Variants in OSBPL1A observed in about 807,000 individuals in gnomAD.
OSBPL1A encodes the protein oxysterol binding protein like 1A.
OSBPL1A carries 80 observed loss-of-function variants against 137.1 expected under a neutral mutation model. That is an observed-to-expected ratio of 0.58 (90% CI 0.49 to 0.70). The LOEUF is 0.70. OSBPL1A is among the 30% of genes least tolerant of loss of function. The pLI, the probability that OSBPL1A is intolerant of heterozygous loss-of-function variation, is 0.00. For synonymous variants in OSBPL1A, 365 were observed against 389.7 expected (o/e 0.94, Z 0.75); for missense variants, 970 against 1,129.4 (o/e 0.86, Z 2.02).
chr18:24,368,779 G>A (rs983852438), intron 2 of OSBPL1A, among the ~76,000 whole-genome samples: 1 of 152,190 alleles, frequency 6.6e-6, no homozygotes, highest in African/African-American at 2.4e-5. Context: ...AGGAGCTGAA[G>A]GCAGCTCACA....
intron 7 of OSBPL1A, among the ~76,000 whole-genome samples, chr18:24,320,319 A>G (rs917591445): frequency 6.6e-6 from 1 of 152,178 alleles, no homozygotes; most frequent in South Asian, 2.1e-4. Context: ...ATTCTTAAAG[A>G]TACAGCAGAC....
At chr18:24,388,861 C>G (rs1464862299) in intron 1 of OSBPL1A, among the ~76,000 whole-genome samples, 1 of 151,570 alleles carries the variant, frequency 6.6e-6, no homozygotes, top group Non-Finnish European at 1.5e-5. Context: ...TTAAAACACC[C>G]CCCCACAGAT....
At chr18:24,333,124 A>C (rs1213540608) in intron 6 of OSBPL1A, 38 bp from the exon 7 acceptor site, 1 of 1,596,254 alleles carries the variant, frequency 6.3e-7, no homozygotes, top group African/African-American at 1.3e-5. Context: ...ATTATATATC[A>C]AAGATAGACT....
At chr18:24,182,992 C>T (rs989718185) in intron 18 of OSBPL1A, among the ~76,000 whole-genome samples, 14 of 152,042 alleles carry the variant, frequency 9.2e-5, no homozygotes, top group African/African-American at 1.2e-4. Context: ...CCTCAGCCTC[C>T]GGAGTAGCTG....
At chr18:24,327,718 T>A (rs2588569) in intron 7 of OSBPL1A, among the ~76,000 whole-genome samples, 65,332 of 151,976 alleles carry the variant, frequency 0.43, 14,791 homozygotes, top group Middle Eastern at 0.54. Context: ...CTGATTTTTT[T>A]AAATTATTCT....
chr18:24,214,801 G>A lies in OSBPL1A; in HGVS notation c.1601+10241C>T, dbSNP rs142470432. On this transcript the variant is annotated intron_variant, in intron 17 of 27. Coordinates refer to ENST00000319481, the MANE Select transcript of OSBPL1A (RefSeq NM_080597.4). ...TTCACAACAAGAGAAGACAAAAAAC[G>A]AAGCAGAGATGGACTGAATAACAGA... Among the ~76,000 whole-genome samples the A allele has an allele frequency of 1.6e-4, 25 of 152,302 alleles. No individual in the cohort carries two copies. The East Asian group carries it at 4.6e-3, about 28-fold the overall frequency.
intron 13 of OSBPL1A, among the ~76,000 whole-genome samples, chr18:24,306,905 G>T (rs2090512295): frequency 6.6e-6 from 1 of 151,832 alleles, no homozygotes; most frequent in African/African-American, 2.4e-5. Context: ...ACAAGCAGTG[G>T]TGCCGTAGCA....
intron 13 of OSBPL1A, among the ~76,000 whole-genome samples, chr18:24,308,772 ATTTT>A (rs35612886): frequency 6.7e-6 from 1 of 148,384 alleles, no homozygotes; most frequent in Non-Finnish European, 1.5e-5. Context: ...GAACAACTGA[ATTTT>A]TTTTTTTGAG....
Position 24,353,128 on chromosome 18 carries a change from GC to G in OSBPL1A, c.283-11471del, listed in dbSNP as rs2091472285. Among the ~76,000 whole-genome samples, 8 of 152,178 alleles carry G rather than the reference GC, an allele frequency of 5.3e-5. No homozygotes were observed. In the South Asian group the frequency reaches 1.7e-3, roughly 32 times the overall value. Reference sequence around the variant, plus strand: ...AAAAAACTACCATCAGAGTGAACAGGCAACCTACAAAATGGGAGAAGATTTT... The same window carrying G: ...AAAAAACTACCATCAGAGTGAACAGGAACCTACAAAATGGGAGAAGATTTT... On this transcript the variant is annotated intron_variant, in intron 4 of 27. Coordinates refer to ENST00000319481, the MANE Select transcript of OSBPL1A (RefSeq NM_080597.4).
At chr18:24,275,460 G>A (rs1446591518) in intron 15 of OSBPL1A, among the ~76,000 whole-genome samples, 1 of 152,150 alleles carries the variant, frequency 6.6e-6, no homozygotes, top group East Asian at 1.9e-4. Context: ...GCCAGAGACG[G>A]GTGCAGGCCC....
At chr18:24,383,528 C>A (rs891813478) in intron 1 of OSBPL1A, among the ~76,000 whole-genome samples, 1 of 152,194 alleles carries the variant, frequency 6.6e-6, no homozygotes, top group Admixed American at 6.5e-5. Flanking sequence ...GAGGTCAACA[C>A]AGGCGGATCA....
chr18:24,318,649 T>C lies in OSBPL1A; in HGVS notation c.688-4A>G. On this transcript the variant is annotated splice_polypyrimidine_tract_variant and splice_region_variant and intron_variant, in intron 8 of 27. Transcript: ENST00000319481. ...GTTTCAATGCTTTGTAGATGACCTG[T>C]CAAAAACATGTTTTCATGAAAAATG... 1 of 1,609,258 alleles carries C rather than the reference T, an allele frequency of 6.2e-7. No individual in the cohort carries two copies. Among genetic ancestry groups the C allele is most frequent in the Non-Finnish European group, 8.5e-7 (1 of 1,179,026 alleles).
Position 24,280,959 on chromosome 18 carries a change from A to G in OSBPL1A, c.1175-11T>C, listed in dbSNP as rs755536672. The stretch of plus-strand genomic sequence containing the variant: ...ATGATGGAAGCATTTCTATAAAGAA[A>G]AAAATAAATACAGTGAGTCGGATTT... On this transcript the variant is annotated splice_polypyrimidine_tract_variant and intron_variant, in intron 14 of 27. Coordinates refer to ENST00000319481, the MANE Select transcript of OSBPL1A (RefSeq NM_080597.4). The G allele has an allele frequency of 1.2e-5, 19 of 1,554,994 alleles. No individual in the cohort carries two copies. The South Asian group carries it at 2.2e-4, about 18-fold the overall frequency.
At chr18:24,269,985 C>T (rs1284542710) in intron 15 of OSBPL1A, among the ~76,000 whole-genome samples, 3 of 152,060 alleles carry the variant, frequency 2.0e-5, no homozygotes, top group Non-Finnish European at 4.4e-5. Flanking sequence ...CTATTTATAA[C>T]TTATGTCTTA....
intron 17 of OSBPL1A, among the ~76,000 whole-genome samples, chr18:24,211,277 A>T (rs1455796602): frequency 6.6e-6 from 1 of 152,176 alleles, no homozygotes; most frequent in Non-Finnish European, 1.5e-5. Context: ...CCTAAATAAC[A>T]TTTTTATAGA....
intron 4 of OSBPL1A, among the ~76,000 whole-genome samples, chr18:24,364,616 T>A (rs918146911): frequency 5.1e-5 from 7 of 136,916 alleles, no homozygotes; most frequent in African/African-American, 8.8e-5. Flanking sequence ...TTTTTTTTAA[T>A]TTTTTTTTTT....
At chr18:24,272,142 C>A in intron 15 of OSBPL1A, 1 of 984,108 alleles carries the variant, frequency 1.0e-6, no homozygotes, top group Non-Finnish European at 1.2e-6. Flanking sequence ...GGGGACTGCT[C>A]CTTGGGCTCT....
intron 14 of OSBPL1A, among the ~76,000 whole-genome samples, chr18:24,290,237 G>T (rs1001037300): frequency 6.6e-6 from 1 of 152,170 alleles, no homozygotes; most frequent in Non-Finnish European, 1.5e-5. Context: ...ATAATGTAGT[G>T]CAGAGTTTGA....
Position 24,163,189 on chromosome 18 carries a change from T to C in OSBPL1A, c.2843A>G (p.Asp948Gly). The change falls in exon 28 of 28, where the codon GAC becomes GGC. Residue 948 changes from aspartate (D) to glycine (G), a missense_variant. Physicochemically the swap from Asp to Gly is moderately conservative, Grantham distance 94. Transcript: ENST00000319481. ...TGACTTGTATGCATTTTAATAAATG[T>C]CAGGCAAATTGAAGTAATTTCTGTC... The part of the protein sequence containing the change: ...YWDRNYFNLP[D>G]IY 6.2e-7 allele frequency: 1 copy of C among 1,605,970 alleles called. No homozygotes were observed. Among genetic ancestry groups the C allele is most frequent in the Non-Finnish European group, 8.5e-7 (1 of 1,172,912 alleles).
Sources: allele counts gnomAD v4.1 joint callset (sites outside exome capture counted in the v4.1 genomes callset), GRCh38; gene constraint gnomAD v4.1.1; transcripts MANE v1.5; gene names NCBI Gene and HGNC (gene_info 2026-07-23, HGNC 2026-07-21).